SEC23B: variants seen among roughly 807,000 people sequenced by gnomAD.
The protein encoded by SEC23B is protein transport protein Sec23B.
Under a neutral mutation model 104.3 loss-of-function variants are expected in SEC23B, and 77 were observed. That is an observed-to-expected ratio of 0.74 (90% confidence interval 0.61 to 0.89). The LOEUF (loss-of-function observed/expected upper bound fraction) is 0.89, where lower values mean the gene tolerates loss of function less well. Among genes scored for constraint, SEC23B ranks in the 40% least tolerant of loss-of-function variants. SEC23B has a pLI of 0.00. For missense variants in SEC23B, 885 were observed against 949.4 expected, an observed-to-expected ratio of 0.93 and a Z score of 0.89; for synonymous variants, 338 against 332.5, an observed-to-expected ratio of 1.02 and a Z score of -0.18.
rs747558930 is a variant in SEC23B, at chr20:18,560,708, T to G, written c.2272T>G (p.Leu758Val). ...TAGCCTGCAGGTGTTCATGGACCAT[T>G]TGAAGAAGCTGGCTGTCTCCAGTGC... ...DVSLQVFMDH[L>V]KKLAVSSAC is the part of the protein sequence containing the mutation. Residue 758 changes from leucine to valine, a missense_variant, in exon 20 of 20, where the codon TTG (leucine) becomes GTG (valine). Coordinates refer to ENST00000650089, the MANE Select transcript of SEC23B (RefSeq NM_006363.6). 1.2e-6 allele frequency: 2 copies of G among 1,614,090 alleles called. No homozygotes were observed. The highest frequency in any genetic ancestry group is 2.2e-5 in the South Asian group (2 of 91,076).
At chr20:18,512,353 T>G in intron 3 of SEC23B, 71 bp downstream of exon 3, 1 of 1,035,328 alleles carries the variant, frequency 9.7e-7, no homozygotes. Context: ...TTAAGTTAGG[T>G]TGAATTTGTG....
intron 1 of SEC23B, among the ~76,000 whole-genome samples, chr20:18,508,695 A>G (rs965981962): frequency 1.4e-5 from 2 of 145,728 alleles, no homozygotes; most frequent in Middle Eastern, 3.6e-3. Flanking sequence ...CTTGGAAACC[A>G]TTAGATGGAG....
chr20:18,526,267 G>A, intron 7 of SEC23B, 106 bp from the exon 8 acceptor site: 2 of 1,293,798 alleles, frequency 1.5e-6, no homozygotes, highest in Non-Finnish European at 2.2e-6. Flanking sequence ...CCACTTTTTA[G>A]GACAGCTGGA....
chr20:18,542,959 G>A, intron 13 of SEC23B, 60 bp from the exon 14 acceptor site: 1 of 1,604,724 alleles, frequency 6.2e-7, no homozygotes, highest in Non-Finnish European at 8.5e-7. Flanking sequence ...TTTCTGAATG[G>A]ATGTCTGGCT....
intron 9 of SEC23B, 144 bp from the exon 10 acceptor site, chr20:18,530,536 G>GT (rs2060174625): frequency 4.1e-6 from 4 of 977,678 alleles, no homozygotes; most frequent in South Asian, 1.7e-5. Context: ...TGCCTGGCCT[G>GT]TTTTTTTATA....
At chr20:18,537,010 C>T (rs553663280) in intron 12 of SEC23B, among the ~76,000 whole-genome samples, 1 of 152,280 alleles carries the variant, frequency 6.6e-6, no homozygotes, top group Admixed American at 6.5e-5. Context: ...TCTTGGGTGG[C>T]AGAGGCAGAA....
At chr20:18,512,596 T>A (rs1220380187) in intron 3 of SEC23B, among the ~76,000 whole-genome samples, 1 of 152,238 alleles carries the variant, frequency 6.6e-6, no homozygotes, top group Non-Finnish European at 1.5e-5. Flanking sequence ...TCTCTTGACT[T>A]CAGTATATTC....
At chr20:18,543,495 GA>G (rs2060307660) in intron 14 of SEC23B, among the ~76,000 whole-genome samples, 1 of 152,216 alleles carries the variant, frequency 6.6e-6, no homozygotes, top group African/African-American at 2.4e-5. Context: ...AGTGGTTTTG[GA>G]AATAGGGATC....
chr20:18,533,042 C>T (rs775080455), intron 11 of SEC23B, among the ~76,000 whole-genome samples: 5 of 152,208 alleles, frequency 3.3e-5, no homozygotes, highest in Admixed American at 2.6e-4. Context: ...GGTCGTTGTG[C>T]CAAAGCCACG....
chr20:18,542,272 A>C, intron 12 of SEC23B, 24 bp from the exon 13 acceptor site: 1 of 1,602,976 alleles, frequency 6.2e-7, no homozygotes, highest in Non-Finnish European at 8.5e-7. Flanking sequence ...ATAACAGACA[A>C]GGTTATGGCC....
rs1568629299 is a variant in SEC23B, at chr20:18,560,636, AT to A, written c.2215-14del. 6.2e-7 allele frequency: 1 copy of A among 1,600,390 alleles called. No homozygotes were observed. The highest frequency in any genetic ancestry group is 1.7e-5 in the Admixed American group (1 of 60,014). ...CTAAGATATCTGCCAACTAATCTTTATCATTACATTTCAGGAAACTGGAGCA... is the reference window on the plus strand; with the variant it reads ...CTAAGATATCTGCCAACTAATCTTTACATTACATTTCAGGAAACTGGAGCA... On this transcript the variant is annotated splice_polypyrimidine_tract_variant and intron_variant, in intron 19 of 19. Transcript: ENST00000650089.
At chr20:18,524,291 G>A (rs1224465498) in intron 4 of SEC23B, 142 bp from the exon 5 acceptor site, 1 of 712,814 alleles carries the variant, frequency 1.4e-6, no homozygotes. Context: ...CATTTAATAA[G>A]TTAGAGCTTT....
intron 13 of SEC23B, 27 bp from the exon 14 acceptor site, chr20:18,542,992 G>A (rs551938397): frequency 6.2e-7 from 1 of 1,613,932 alleles, no homozygotes; most frequent in South Asian, 1.1e-5. Context: ...CTAAACATAA[G>A]CATGGCACTA....
At position 18,532,207 on chromosome 20, in the gene SEC23B, C is replaced by T. The variant is rs139563660; in HGVS notation, c.1234-457C>T. Among the ~76,000 whole-genome samples the T allele has an allele frequency of 4.1e-3, 627 of 152,316 alleles. 1 individual carries two copies. The highest frequency in any genetic ancestry group is 0.014 in the Middle Eastern group (4 of 294). Reference sequence around the variant, plus strand: ...AAGATGGACTTTTGAAATGAATTCACATTTTAAAAATCTAAGTATGTTGGC... The same window carrying T: ...AAGATGGACTTTTGAAATGAATTCATATTTTAAAAATCTAAGTATGTTGGC... On this transcript the variant is annotated intron_variant, in intron 10 of 19. Coordinates refer to ENST00000650089, the MANE Select transcript of SEC23B (RefSeq NM_006363.6).
At chr20:18,552,102 A>G (rs931372973) in intron 17 of SEC23B, among the ~76,000 whole-genome samples, 1 of 152,194 alleles carries the variant, frequency 6.6e-6, no homozygotes, top group Admixed American at 6.5e-5. Context: ...TGATATTTAT[A>G]TTCAGTGATG....
At chr20:18,545,632 T>G (rs1373386924) in intron 14 of SEC23B, among the ~76,000 whole-genome samples, 1 of 152,128 alleles carries the variant, frequency 6.6e-6, no homozygotes, top group Non-Finnish European at 1.5e-5. Flanking sequence ...TTTCATGGTG[T>G]TAGAGGGTTT....
intron 4 of SEC23B, among the ~76,000 whole-genome samples, chr20:18,522,998 T>C (rs6112007): frequency 0.68 from 103,028 of 150,998 alleles, 36,536 homozygotes; most frequent in Non-Finnish European, 0.8. Context: ...ACCCAGGAGG[T>C]GGAACTTGCA....
intron 16 of SEC23B, 144 bp from the exon 17 acceptor site, chr20:18,550,945 A>C (rs776796624): frequency 1.7e-5 from 12 of 693,730 alleles, no homozygotes; most frequent in African/African-American, 3.5e-5. Flanking sequence ...TGTCAGGAAG[A>C]AAAGGGGTGA....
At chr20:18,549,212 T>C (rs1025135913) in intron 16 of SEC23B, among the ~76,000 whole-genome samples, 5 of 152,198 alleles carry the variant, frequency 3.3e-5, no homozygotes, top group Admixed American at 6.5e-5. Context: ...TCAGTATTCA[T>C]GGAAGATTGG....
Sources: gnomAD v4.1 joint callset for allele counts (sites outside exome capture counted in the v4.1 genomes callset) on GRCh38, gnomAD v4.1.1 for gene constraint, MANE v1.5 for transcripts, NCBI Gene and HGNC (gene_info 2026-07-23, HGNC 2026-07-21) for gene names.